Variants in ALDH2 observed in about 807,000 individuals in gnomAD.
ALDH2 encodes aldehyde dehydrogenase, mitochondrial.
In ALDH2, 44 loss-of-function variants were observed where a neutral mutation model predicts 59.6. The observed-to-expected ratio is 0.74, with a 90% CI of 0.58 to 0.95. The LOEUF is 0.95. ALDH2 is among the 40% of genes least tolerant of loss of function. The pLI is 0.00. For synonymous variants in ALDH2, 291 were observed against 284.0 expected (o/e 1.02, Z -0.25); for missense variants, 570 against 696.3 (o/e 0.82, Z 2.04).
chr12:111,809,285 C>A lies in ALDH2; in HGVS notation c.1522-258C>A, dbSNP rs1056907780. On this transcript the variant is annotated intron_variant, in intron 12 of 12. Transcript: ENST00000261733. ...CCTGGGCAACATAGTGACACCCCAT[C>A]TCTAATAAAAATACAAAAAGTTAGC... 2.0e-5 allele frequency among the ~76,000 whole-genome samples: 3 copies of A among 151,962 alleles called. No homozygotes were observed. In the Admixed American group the frequency reaches 2.0e-4, roughly 10 times the overall value.
At chr12:111,790,409 C>T (rs1184970092) in intron 5 of ALDH2, 25 bp from the exon 6 acceptor site, 2 of 1,613,236 alleles carry the variant, frequency 1.2e-6, no homozygotes, top group Non-Finnish European at 1.7e-6. Context: ...GCTTGGATTT[C>T]GAGGGCTGCT....
At chr12:111,785,376 C>A (rs1196630403) in intron 4 of ALDH2, 30 bp downstream of exon 4, 2 of 1,593,460 alleles carry the variant, frequency 1.3e-6, no homozygotes, top group African/African-American at 2.7e-5. Context: ...GTTCTTTGTT[C>A]TGGCAGGGGA....
chr12:111,788,749 C>A (rs1267118130), intron 4 of ALDH2, among the ~76,000 whole-genome samples: 1 of 152,222 alleles, frequency 6.6e-6, no homozygotes, highest in East Asian at 1.9e-4. Context: ...AGCCTGTAAT[C>A]CCAGCACTTT....
chr12:111,790,320 G>A (rs907198254), intron 5 of ALDH2, 114 bp from the exon 6 acceptor site: 8 of 1,367,260 alleles, frequency 5.9e-6, no homozygotes, highest in Non-Finnish European at 8.2e-6. Context: ...GGGAGGACAC[G>A]CAGGGTTCAG....
intron 9 of ALDH2, among the ~76,000 whole-genome samples, chr12:111,796,806 G>A (rs1199740786): frequency 1.3e-5 from 2 of 152,080 alleles, no homozygotes; most frequent in Non-Finnish European, 2.9e-5. Context: ...TCGGGAGACT[G>A]AGATGAGAAG....
At chr12:111,799,098 C>T (rs1222234585) in intron 10 of ALDH2, among the ~76,000 whole-genome samples, 2 of 151,900 alleles carry the variant, frequency 1.3e-5, no homozygotes, top group South Asian at 2.1e-4. Context: ...CTCCTGACTT[C>T]GTGATCTGCC....
chr12:111,796,706 T>C lies in ALDH2; in HGVS notation c.1084-1372T>C, dbSNP rs934194287. Among the ~76,000 whole-genome samples, 3 of 152,110 alleles carry C rather than the reference T, an allele frequency of 2.0e-5. No individual in the cohort carries two copies. In the East Asian group the frequency reaches 5.8e-4, roughly 30 times the overall value. ...CAATTACTTGAGCCCAGGAGTTAGA[T>C]ACTAGCCTGGGCAACATAGCAAAAC... is the stretch of plus-strand genomic sequence containing the variant. On this transcript the variant is annotated intron_variant, in intron 9 of 12. Transcript: ENST00000261733.
intron 11 of ALDH2, among the ~76,000 whole-genome samples, chr12:111,802,892 A>AGAAAG (rs2068465572): frequency 1.4e-5 from 2 of 147,308 alleles, no homozygotes. Flanking sequence ...AAAAAAAAAA[A>AGAAAG]AAAAGAAAAT....
chr12:111,791,110 A>G (rs942039019), intron 6 of ALDH2, among the ~76,000 whole-genome samples, 196 bp from the exon 7 acceptor site: 2 of 152,164 alleles, frequency 1.3e-5, no homozygotes, highest in African/African-American at 2.4e-5. Flanking sequence ...GGGCAAAGAC[A>G]CAGGGAACCC....
Position 111,783,261 on chromosome 12 carries a change from T to C in ALDH2, c.323T>C (p.Leu108Pro). 6.2e-7 allele frequency: 1 copy of C among 1,612,706 alleles called. No individual in the cohort carries two copies. Among genetic ancestry groups the C allele is most frequent in the Non-Finnish European group, 8.5e-7 (1 of 1,179,286 alleles). The change falls in exon 3 of 13, where the codon CTG (leucine) becomes CCG (proline). Residue 108 changes from leucine to proline, a missense_variant. Leu to Pro is a moderately conservative substitution (Grantham distance 98). Transcript: ENST00000261733. ...CACAGGGGCCGGCTGCTGAACCGCC[T>C]GGCCGATCTGATCGAGCGGGACCGG... The part of the protein sequence containing the change: ...ASHRGRLLNR[L>P]ADLIERDRTY...
intron 1 of ALDH2, among the ~76,000 whole-genome samples, chr12:111,780,096 T>C (rs990788418): frequency 6.6e-6 from 1 of 152,136 alleles, no homozygotes; most frequent in Non-Finnish European, 1.5e-5. Flanking sequence ...TTTCACCGTG[T>C]TGGCCAGACT....
intron 9 of ALDH2, among the ~76,000 whole-genome samples, chr12:111,796,576 A>G (rs1229097109): frequency 6.6e-6 from 1 of 152,150 alleles, no homozygotes; most frequent in African/African-American, 2.4e-5. Flanking sequence ...GTAACCACTC[A>G]TGCACACACA....
chr12:111,782,187 C>T (rs983591844), intron 2 of ALDH2, among the ~76,000 whole-genome samples, 165 bp downstream of exon 2: 5 of 152,194 alleles, frequency 3.3e-5, no homozygotes, highest in African/African-American at 4.8e-5. Flanking sequence ...CTGCAGACAA[C>T]GGTGTTAATT....
intron 1 of ALDH2, chr12:111,775,721 G>A: frequency 2.2e-6 from 1 of 454,824 alleles, no homozygotes; most frequent in East Asian, 7.0e-5. Context: ...CGTGTGTTAT[G>A]TAAGTCGAGC....
Position 111,813,849 on chromosome 12 carries a change from G to T in ALDH2, c.*4274G>T, listed in dbSNP as rs2068552648. On this transcript the variant is annotated 3_prime_UTR_variant, in exon 13 of 13. Transcript: ENST00000261733. ...CTTCTAATGGTGGGGTGCCCTTTTG[G>T]GGTGATGAAAATGTTTTGGAACCAG... 6.6e-6 allele frequency: 1 copy of T among 152,168 alleles called. No homozygotes were observed. Among genetic ancestry groups the T allele is most frequent in the South Asian group, 2.1e-4 (1 of 4,832 alleles). 9.4% of individuals were successfully genotyped at this position (152,168 alleles called of 1,614,324 possible).
intron 4 of ALDH2, 61 bp from the exon 5 acceptor site, chr12:111,789,762 C>A: frequency 7.1e-7 from 1 of 1,410,856 alleles, no homozygotes; most frequent in Non-Finnish European, 9.9e-7. Flanking sequence ...CTCTTTCTGC[C>A]AGGGTTTGCA....
At chr12:111,777,981 G>A (rs997798443) in intron 1 of ALDH2, among the ~76,000 whole-genome samples, 1 of 152,120 alleles carries the variant, frequency 6.6e-6, no homozygotes, top group African/African-American at 2.4e-5. Context: ...ACAACTGCGG[G>A]TTCCACCATA....
intron 1 of ALDH2, among the ~76,000 whole-genome samples, chr12:111,768,593 T>A (rs1424032018): frequency 3.3e-5 from 5 of 152,094 alleles, no homozygotes; most frequent in Non-Finnish European, 4.4e-5. Flanking sequence ...AATCCCAGCA[T>A]TTTGGGAGGC....
intron 10 of ALDH2, among the ~76,000 whole-genome samples, chr12:111,798,974 A>C (rs1184971483): frequency 6.7e-6 from 1 of 150,294 alleles, no homozygotes; most frequent in Non-Finnish European, 1.5e-5. Context: ...GCGCCACTGC[A>C]CTCCAGCCTA....
Sources: gnomAD v4.1 joint callset for allele counts (sites outside exome capture counted in the v4.1 genomes callset) on GRCh38, gnomAD v4.1.1 for gene constraint, MANE v1.5 for transcripts, NCBI Gene and HGNC (gene_info 2026-07-23, HGNC 2026-07-21) for gene names.